BMPR1B: variants seen among roughly 807,000 people sequenced by gnomAD.
BMPR1B encodes the protein bone morphogenetic protein receptor type 1B.
A neutral mutation model predicts 59.1 loss-of-function variants in BMPR1B; 12 were observed. That is an observed-to-expected ratio of 0.20 (90% CI 0.13 to 0.33). BMPR1B has a LOEUF of 0.33. Among genes scored for constraint, BMPR1B ranks in the 10% least tolerant of loss-of-function variants. BMPR1B has a pLI of 1.00. For missense variants in BMPR1B, 550 were observed against 610.9 expected (o/e 0.90, Z 1.05); for synonymous variants, 237 against 207.3 (o/e 1.14, Z -1.23).
At chr4:94,909,917 G>C (rs1331991594) in intron 2 of BMPR1B, among the ~76,000 whole-genome samples, 2 of 151,960 alleles carry the variant, frequency 1.3e-5, no homozygotes, top group African/African-American at 2.4e-5. Context: ...TACTTCTGTG[G>C]CTCAAACAAT....
intron 3 of BMPR1B, among the ~76,000 whole-genome samples, chr4:95,031,984 C>T (rs1275866799): frequency 6.6e-6 from 1 of 152,064 alleles, no homozygotes; most frequent in Non-Finnish European, 1.5e-5. Context: ...ATTTATGTTA[C>T]AGTAGTATTC....
chr4:94,827,033 G>A lies in BMPR1B; in HGVS notation c.-182-48798G>A, dbSNP rs908741484. On this transcript the variant is annotated intron_variant, in intron 1 of 12. Coordinates refer to ENST00000515059, the MANE Select transcript of BMPR1B (RefSeq NM_001203.3). ...AAAAAATCTGTAGGTTTTTAAGGAAGTAATTTTCCTAATATGAAATATAAT... is the reference window on the plus strand; with the variant it reads ...AAAAAATCTGTAGGTTTTTAAGGAAATAATTTTCCTAATATGAAATATAAT... Among the ~76,000 whole-genome samples the A allele has an allele frequency of 2.0e-3, 307 of 152,228 alleles. 2 individuals are homozygous for A. Among genetic ancestry groups the A allele is most frequent in the African/African-American group, 6.9e-3 (285 of 41,546 alleles).
intron 3 of BMPR1B, among the ~76,000 whole-genome samples, chr4:95,008,710 A>T (rs1316474769): frequency 6.6e-6 from 1 of 152,164 alleles, no homozygotes; most frequent in Non-Finnish European, 1.5e-5. Flanking sequence ...AAAGGACACT[A>T]AAAAAGAATA....
intron 1 of BMPR1B, among the ~76,000 whole-genome samples, chr4:94,845,495 A>G (rs1412339529): frequency 6.6e-6 from 1 of 151,990 alleles, no homozygotes; most frequent in Non-Finnish European, 1.5e-5. Context: ...GGTGCCCGCC[A>G]CCACGCCCGG....
At chr4:94,999,125 A>G (rs2149106839) in intron 3 of BMPR1B, among the ~76,000 whole-genome samples, 1 of 152,230 alleles carries the variant, frequency 6.6e-6, no homozygotes, top group Admixed American at 6.5e-5. Flanking sequence ...GCTTGGTAAT[A>G]TAGTGTTTTA....
At chr4:94,831,312 ATGTGTT>A (rs1724580388) in intron 1 of BMPR1B, among the ~76,000 whole-genome samples, 1 of 152,178 alleles carries the variant, frequency 6.6e-6, no homozygotes, top group African/African-American at 2.4e-5. Context: ...TAGCTGTACA[ATGTGTT>A]TGTGTTTTAA....
chr4:94,885,361 A>G (rs1279820250), intron 2 of BMPR1B, among the ~76,000 whole-genome samples: 2 of 152,226 alleles, frequency 1.3e-5, no homozygotes, highest in South Asian at 2.1e-4. Flanking sequence ...TTAGCACATC[A>G]TTATTATTGC....
intron 1 of BMPR1B, among the ~76,000 whole-genome samples, chr4:94,864,978 A>G (rs1248092727): frequency 2.0e-5 from 3 of 152,234 alleles, no homozygotes; most frequent in African/African-American, 2.4e-5. Context: ...GCAATGATAT[A>G]TAGATTTTTA....
intron 1 of BMPR1B, among the ~76,000 whole-genome samples, chr4:94,767,348 T>C (rs748342022): frequency 6.6e-6 from 1 of 152,196 alleles, no homozygotes; most frequent in Non-Finnish European, 1.5e-5. Context: ...TTTTATCTTG[T>C]CTTATAATTT....
chr4:95,152,671 T>C lies in BMPR1B; in HGVS notation c.1281T>C (p.Tyr427=), dbSNP rs953361013. ...TAGTGGAAGAATACCAGCTTCCTTATCATGACCTAGTGCCCAGTGACCCCT... is the reference window on the plus strand; with the variant it reads ...TAGTGGAAGAATACCAGCTTCCTTACCATGACCTAGTGCCCAGTGACCCCT... ...GGIVEEYQLP[Y]HDLVPSDPSY... is the part of the protein sequence containing the mutation. Residue 427 remains tyrosine, a synonymous_variant, in exon 12 of 13, where the codon TAT becomes TAC. Transcript: ENST00000515059. 1.3e-6 allele frequency: 2 copies of C among 1,573,390 alleles called. No individual in the cohort carries two copies. The highest frequency in any genetic ancestry group is 2.7e-5 in the African/African-American group (2 of 73,838).
chr4:94,813,406 A>G (rs1246540376), intron 1 of BMPR1B, among the ~76,000 whole-genome samples: 1 of 152,126 alleles, frequency 6.6e-6, no homozygotes, highest in African/African-American at 2.4e-5. Flanking sequence ...GGAAGGAAGT[A>G]GAGGAACAGC....
At chr4:95,055,562 C>T (rs1269531325) in intron 3 of BMPR1B, among the ~76,000 whole-genome samples, 1 of 152,132 alleles carries the variant, frequency 6.6e-6, no homozygotes, top group Non-Finnish European at 1.5e-5. Context: ...TAATCTCAGG[C>T]TATTAATCGG....
At position 94,786,967 on chromosome 4, in the gene BMPR1B, G is replaced by A. The variant is rs551720518; in HGVS notation, c.-183+28899G>A. Among the ~76,000 whole-genome samples the A allele has an allele frequency of 3.6e-4, 55 of 152,260 alleles. No homozygotes were observed. In the South Asian group the frequency reaches 0.011, roughly 29 times the overall value. On this transcript the variant is annotated intron_variant, in intron 1 of 12. Transcript: ENST00000515059. ...GTGTGCCTAAGTGCTGGGATTACAGGTGTGAGCCACTGCATCTGGCCGTAA... is the reference window on the plus strand; with the variant it reads ...GTGTGCCTAAGTGCTGGGATTACAGATGTGAGCCACTGCATCTGGCCGTAA...
intron 8 of BMPR1B, among the ~76,000 whole-genome samples, 174 bp from the exon 9 acceptor site, chr4:95,129,688 T>C (rs1479582007): frequency 6.6e-6 from 1 of 152,166 alleles, no homozygotes; most frequent in Non-Finnish European, 1.5e-5. Context: ...CTCAAATATG[T>C]TTAAAAGAGT....
intron 2 of BMPR1B, among the ~76,000 whole-genome samples, chr4:94,897,941 C>CTTTTTTTTTT (rs869186341): frequency 1.1e-5 from 1 of 90,326 alleles, no homozygotes; most frequent in Non-Finnish European, 2.2e-5. Context: ...AATTCTTTTC[C>CTTTTTTTTTT]TTTTTTTTTT....
intron 2 of BMPR1B, among the ~76,000 whole-genome samples, chr4:94,905,116 A>G (rs922210094): frequency 1.3e-5 from 2 of 152,040 alleles, no homozygotes; most frequent in South Asian, 2.1e-4. Flanking sequence ...TTGTCCAAAG[A>G]TGGGGAAAAT....
chr4:94,822,196 A>G (rs1724233108), intron 1 of BMPR1B, among the ~76,000 whole-genome samples: 1 of 152,236 alleles, frequency 6.6e-6, no homozygotes, highest in Non-Finnish European at 1.5e-5. Context: ...CTGTAAAGGC[A>G]TTAATCCCAC....
rs77929582 is a variant in BMPR1B, at chr4:94,877,144, A to G, written c.-113+1244A>G. 5.8e-3 allele frequency among the ~76,000 whole-genome samples: 881 copies of G among 152,214 alleles called. 7 individuals are homozygous for G. The highest frequency in any genetic ancestry group is 0.02 in the African/African-American group (850 of 41,512). ...ACATATTATGCCACTGTGCATAAAA[A>G]CTCACATTGATTCAAGTATCAGAAT... On this transcript the variant is annotated intron_variant, in intron 2 of 12. Coordinates refer to ENST00000515059, the MANE Select transcript of BMPR1B (RefSeq NM_001203.3).
chr4:94,968,158 C>G (rs369947152), intron 2 of BMPR1B, among the ~76,000 whole-genome samples: 3 of 152,130 alleles, frequency 2.0e-5, no homozygotes, highest in African/African-American at 7.2e-5. Flanking sequence ...CTTAACAATA[C>G]TTTCCTTGGT....
Sources: allele counts gnomAD v4.1 joint callset (sites outside exome capture counted in the v4.1 genomes callset), GRCh38; gene constraint gnomAD v4.1.1; transcripts MANE v1.5; gene names NCBI Gene and HGNC (gene_info 2026-07-23, HGNC 2026-07-21).